Variants in ZNF536 observed in about 807,000 individuals in gnomAD.
ZNF536 encodes zinc finger protein 536.
Under a neutral mutation model 84.5 loss-of-function variants are expected in ZNF536, and 13 were observed. The ratio of observed to expected loss-of-function variants is 0.15; its 90% CI spans 0.10 to 0.24. The LOEUF (loss-of-function observed/expected upper bound fraction) is 0.24. Among genes scored for constraint, ZNF536 ranks in the 10% least tolerant of loss-of-function variants. The probability of loss-of-function intolerance (pLI) is 1.00; values close to 1 mark genes in which losing one functional copy is unlikely to be tolerated. For missense variants in ZNF536, 1,536 were observed against 1,747.5 expected, an observed-to-expected ratio of 0.88 and a Z score of 2.16; for synonymous variants, 811 against 742.5, an observed-to-expected ratio of 1.09 and a Z score of -1.50.
intron 2 of ZNF536, among the ~76,000 whole-genome samples, chr19:30,466,581 A>C (rs1041873889): frequency 2.6e-5 from 3 of 116,968 alleles, no homozygotes; most frequent in Non-Finnish European, 4.7e-5. Flanking sequence ...AAAGAAAGAA[A>C]GAAAGAGAGA....
At chr19:30,322,384 T>G (rs2046887066) in intron 2 of ZNF536, among the ~76,000 whole-genome samples, 1 of 152,336 alleles carries the variant, frequency 6.6e-6, no homozygotes, top group African/African-American at 2.4e-5. Flanking sequence ...TTAAGCCAGA[T>G]GCCCACAGGG....
intron 1 of ZNF536, among the ~76,000 whole-genome samples, chr19:30,681,077 A>G (rs1029419947): frequency 6.6e-6 from 1 of 152,032 alleles, no homozygotes; most frequent in African/African-American, 2.4e-5. Flanking sequence ...GCCCCTTTCT[A>G]TTCCCCAACT....
intron 2 of ZNF536, among the ~76,000 whole-genome samples, chr19:30,461,256 A>G (rs527500334): frequency 1.2e-4 from 19 of 152,170 alleles, no homozygotes; most frequent in Non-Finnish European, 1.6e-4. Flanking sequence ...TGGCATTTGA[A>G]CCCACCTCTG....
intron 1 of ZNF536, among the ~76,000 whole-genome samples, chr19:30,410,463 GTCTTTTTTTT>G (rs2050434396): frequency 3.2e-5 from 3 of 94,696 alleles, no homozygotes; most frequent in African/African-American, 1.8e-4. Context: ...AAAAGTGAAG[GTCTTTTTTTT>G]TTTTTTTTTT....
At chr19:30,378,299 T>C (rs1328116002) in intron 1 of ZNF536, among the ~76,000 whole-genome samples, 1 of 152,218 alleles carries the variant, frequency 6.6e-6, no homozygotes, top group African/African-American at 2.4e-5. Flanking sequence ...TAGCTGGGAC[T>C]ACAGGCATGA....
At chr19:30,373,252 C>G (rs1029405940) in intron 1 of ZNF536, among the ~76,000 whole-genome samples, 1 of 152,118 alleles carries the variant, frequency 6.6e-6, no homozygotes, top group Non-Finnish European at 1.5e-5. Flanking sequence ...CTGGCCAGGC[C>G]CTCATCCTGA....
At chr19:30,566,533 G>T (rs1461018753) in intron 1 of ZNF536, among the ~76,000 whole-genome samples, 1 of 152,218 alleles carries the variant, frequency 6.6e-6, no homozygotes, top group Non-Finnish European at 1.5e-5. Flanking sequence ...GGAAACTGAG[G>T]CACCGAGCAG....
chr19:30,354,575 G>C (rs1368101460), intron 3 of ZNF536, among the ~76,000 whole-genome samples: 2 of 152,094 alleles, frequency 1.3e-5, no homozygotes, highest in Non-Finnish European at 2.9e-5. Context: ...GCATGCTGTG[G>C]GCCTCCTAGA....
chr19:30,617,414 A>G (rs2048341449), intron 1 of ZNF536, among the ~76,000 whole-genome samples: 1 of 128,388 alleles, frequency 7.8e-6, no homozygotes, highest in African/African-American at 2.9e-5. Flanking sequence ...GCAGTGGTGC[A>G]ATCTCGGCTC....
At chr19:30,409,135 T>C (rs2050383716) in intron 1 of ZNF536, among the ~76,000 whole-genome samples, 1 of 152,228 alleles carries the variant, frequency 6.6e-6, no homozygotes, top group Admixed American at 6.5e-5. Flanking sequence ...ATCCATCCAT[T>C]GATCCATTCA....
intron 1 of ZNF536, among the ~76,000 whole-genome samples, chr19:30,242,681 C>T (rs1313389970): frequency 1.3e-5 from 2 of 152,324 alleles, no homozygotes; most frequent in South Asian, 2.1e-4. Flanking sequence ...CTATCCCTTT[C>T]GAGAGAGGGA....
In ZNF536 at chr19:30,548,761, G is replaced by A. The variant is rs2045654611; in HGVS notation, c.3142G>A (p.Ala1048Thr). ...TVNCKDQARE[A>T]SKMALLPSLQ... is the part of the protein sequence containing the mutation. ...CAACTGCAAAGACCAAGCCCGGGAG[G>A]CGAGTAAGATGGCCCTGCTGCCCTC... Residue 1048 changes from alanine (A) to threonine (T), a missense_variant, in exon 4 of 5, where the codon GCG (alanine) becomes ACG (threonine). Transcript: ENST00000355537. 1.2e-6 allele frequency: 2 copies of A among 1,613,806 alleles called. No individual in the cohort carries two copies. The highest frequency in any genetic ancestry group is 2.2e-5 in the South Asian group (2 of 91,080).
chr19:30,279,487 G>A (rs774758466), intron 1 of ZNF536, among the ~76,000 whole-genome samples: 5 of 152,178 alleles, frequency 3.3e-5, no homozygotes, highest in African/African-American at 1.2e-4. Context: ...ATCCCCCAGC[G>A]TTGTCTGAGA....
intron 1 of ZNF536, among the ~76,000 whole-genome samples, chr19:30,567,987 C>A (rs2046412378): frequency 6.6e-6 from 1 of 152,160 alleles, no homozygotes; most frequent in Non-Finnish European, 1.5e-5. Flanking sequence ...ATAAAAGGAT[C>A]ATATGTGTTT....
chr19:30,258,212 G>A (rs1197437438), intron 1 of ZNF536, among the ~76,000 whole-genome samples: 1 of 152,182 alleles, frequency 6.6e-6, no homozygotes, highest in African/African-American at 2.4e-5. Flanking sequence ...CCATGAAGGT[G>A]TCGCCTACAC....
intron 1 of ZNF536, among the ~76,000 whole-genome samples, chr19:30,628,708 T>C (rs532297354): frequency 8.0e-4 from 122 of 152,162 alleles, no homozygotes; most frequent in Non-Finnish European, 1.5e-3. Flanking sequence ...TATTTATTTA[T>C]TTTTTTGTTT....
At chr19:30,232,133 T>G (rs2023101234) in intron 1 of ZNF536, among the ~76,000 whole-genome samples, 4 of 152,096 alleles carry the variant, frequency 2.6e-5, no homozygotes, top group Admixed American at 2.6e-4. Context: ...GGAAGCCATC[T>G]GGCCCACCTG....
chr19:30,519,967 G>C (rs2044252390), intron 2 of ZNF536, among the ~76,000 whole-genome samples: 1 of 152,230 alleles, frequency 6.6e-6, no homozygotes, highest in South Asian at 2.1e-4. Flanking sequence ...GGGCAGACCT[G>C]ACTTAGTCTG....
At chr19:30,658,222 A>G (rs536505878) in intron 1 of ZNF536, among the ~76,000 whole-genome samples, 1 of 152,172 alleles carries the variant, frequency 6.6e-6, no homozygotes, top group Admixed American at 6.5e-5. Context: ...GGGATTCATC[A>G]TATTGGCCAG....
Sources: allele counts gnomAD v4.1 joint callset (sites outside exome capture counted in the v4.1 genomes callset), GRCh38; gene constraint gnomAD v4.1.1; transcripts MANE v1.5; gene names NCBI Gene and HGNC (gene_info 2026-07-23, HGNC 2026-07-21).